Variants in LIPA observed in about 807,000 individuals in gnomAD.
LIPA encodes lipase A, lysosomal acid type.
LIPA carries 26 observed loss-of-function variants against 40.6 expected under a neutral mutation model. The observed-to-expected ratio is 0.64, with a 90% confidence interval of 0.47 to 0.89. LIPA has a LOEUF of 0.89. LIPA is among the 40% of genes least tolerant of loss of function. The pLI is 0.00. For synonymous variants in LIPA, 188 were observed against 168.4 expected (o/e 1.12, Z -0.90); for missense variants, 455 against 479.6 (o/e 0.95, Z 0.48).
chr10:89,354,190 G>A (rs1472369419), intron 2 of LIPA, among the ~76,000 whole-genome samples: 1 of 152,154 alleles, frequency 6.6e-6, no homozygotes, highest in Non-Finnish European at 1.5e-5. Flanking sequence ...TGTGTATTCA[G>A]TGAAAGGCTG....
intron 1 of LIPA, among the ~76,000 whole-genome samples, chr10:89,341,228 G>C (rs905239862): frequency 6.6e-6 from 1 of 152,190 alleles, no homozygotes; most frequent in East Asian, 1.9e-4. Context: ...CTGTAGACAG[G>C]GTTGCTGTAA....
chr10:89,305,704 C>T (rs1351291756), intron 1 of LIPA, among the ~76,000 whole-genome samples: 1 of 152,168 alleles, frequency 6.6e-6, no homozygotes, highest in Non-Finnish European at 1.5e-5. Context: ...CTGTCTTATT[C>T]ATGAAAACCT....
chr10:89,273,337 A>G (rs769656465), intron 1 of LIPA, among the ~76,000 whole-genome samples: 5 of 152,202 alleles, frequency 3.3e-5, no homozygotes, highest in Non-Finnish European at 7.3e-5. Context: ...GGGTTGCTGG[A>G]TGAGCCAGAG....
intron 2 of LIPA, chr10:89,404,496 C>T (rs1270966652): frequency 6.6e-6 from 1 of 152,266 alleles, no homozygotes; most frequent in East Asian, 1.9e-4. Context: ...TACATGTTTA[C>T]ATACCACTAT....
chr10:89,249,051 T>C (rs574294422), intron 1 of LIPA, among the ~76,000 whole-genome samples: 3 of 152,232 alleles, frequency 2.0e-5, no homozygotes, highest in Non-Finnish European at 4.4e-5. Context: ...TCCTCCTACT[T>C]ATCTAACCAC....
At chr10:89,364,939 T>C (rs1371721816) in intron 2 of LIPA, among the ~76,000 whole-genome samples, 2 of 152,136 alleles carry the variant, frequency 1.3e-5, no homozygotes, top group Non-Finnish European at 2.9e-5. Context: ...TAAAACTGTC[T>C]GTGCAGAAAT....
intron 1 of LIPA, chr10:89,338,614 G>C: frequency 6.4e-7 from 1 of 1,554,752 alleles, no homozygotes; most frequent in South Asian, 1.2e-5. Context: ...ACAGGGTGCA[G>C]TGCTTGGCAG....
At chr10:89,323,053 C>T (rs531201312) in intron 1 of LIPA, among the ~76,000 whole-genome samples, 2 of 152,302 alleles carry the variant, frequency 1.3e-5, no homozygotes, top group East Asian at 3.9e-4. Flanking sequence ...CAAGCCATGC[C>T]TGCTAGAGCT....
chr10:89,379,574 G>A (rs891231181), intron 2 of LIPA, among the ~76,000 whole-genome samples: 1 of 152,168 alleles, frequency 6.6e-6, no homozygotes, highest in African/African-American at 2.4e-5. Flanking sequence ...GTTGCAGTCA[G>A]TGGGAGAGGA....
At chr10:89,356,341 C>T (rs1843988333) in intron 2 of LIPA, among the ~76,000 whole-genome samples, 1 of 152,152 alleles carries the variant, frequency 6.6e-6, no homozygotes, top group Non-Finnish European at 1.5e-5. Context: ...GCAGGTGTCC[C>T]CAATCCCTGG....
chr10:89,227,857 A>G (rs1215045819), intron 4 of LIPA, among the ~76,000 whole-genome samples: 2 of 152,234 alleles, frequency 1.3e-5, no homozygotes, highest in African/African-American at 4.8e-5. Context: ...GGAAAGGATA[A>G]TTTCTGGAAA....
At chr10:89,306,034 G>C (rs183467463) in intron 1 of LIPA, 2 of 1,614,042 alleles carry the variant, frequency 1.2e-6, no homozygotes, top group Non-Finnish European at 8.5e-7. Flanking sequence ...ACTTGATGGA[G>C]GGAGAAAACT....
intron 6 of LIPA, among the ~76,000 whole-genome samples, chr10:89,224,153 ACT>A (rs1222024841): frequency 2.0e-5 from 3 of 152,134 alleles, no homozygotes; most frequent in East Asian, 1.9e-4. Context: ...TTTTCATCTG[ACT>A]CTGATGGATC....
At position 89,361,676 on chromosome 10, in the gene LIPA, A is replaced by G. The variant is rs78900047; in HGVS notation, c.61+51115T>C. ...GCCAGTATTCAAGCAGACAAAATGC[A>G]TTTGCTGATATCATGATGTTGATAA... On this transcript the variant is annotated intron_variant, in intron 2 of 8. Coordinates refer to the LIPA transcript ENST00000371837. 5.8e-3 allele frequency among the ~76,000 whole-genome samples: 885 copies of G among 152,166 alleles called. 13 individuals carry two copies. The highest frequency in any genetic ancestry group is 0.049 in the East Asian group (254 of 5,166).
chr10:89,254,913 CACA>C (rs1843173222), upstream of LIPA, among the ~76,000 whole-genome samples: 1 of 152,186 alleles, frequency 6.6e-6, no homozygotes, highest in Admixed American at 6.5e-5. Context: ...TACTACAGTT[CACA>C]ACAAGTTTCT....
intron 1 of LIPA, among the ~76,000 whole-genome samples, chr10:89,261,539 A>T (rs1246246570): frequency 6.6e-6 from 1 of 152,156 alleles, no homozygotes; most frequent in Non-Finnish European, 1.5e-5. Context: ...ATTAAAATTT[A>T]AAAAATCAGA....
At chr10:89,220,304 C>G (rs1842681471) in intron 8 of LIPA, among the ~76,000 whole-genome samples, 1 of 152,088 alleles carries the variant, frequency 6.6e-6, no homozygotes, top group South Asian at 2.1e-4. Context: ...GCTCAGTCAC[C>G]CTCCATCATC....
At chr10:89,399,864 ACTCT>A (rs200034872) in intron 2 of LIPA, among the ~76,000 whole-genome samples, 17 of 151,316 alleles carry the variant, frequency 1.1e-4, no homozygotes, top group East Asian at 9.7e-4. Flanking sequence ...ACCAAAGCTC[ACTCT>A]CTCTCTCTCT....
At chr10:89,245,900 G>A (rs1255938266) in intron 2 of LIPA, 107 bp from the exon 3 acceptor site, 2 of 764,466 alleles carry the variant, frequency 2.6e-6, no homozygotes, top group Non-Finnish European at 4.8e-6. Flanking sequence ...CTTTAAGAAA[G>A]CATTTGTCAT....
Sources: allele counts gnomAD v4.1 joint callset (sites outside exome capture counted in the v4.1 genomes callset), GRCh38; gene constraint gnomAD v4.1.1; transcripts MANE v1.5; gene names NCBI Gene and HGNC (gene_info 2026-07-23, HGNC 2026-07-21).